Variants in MTSS1 observed in about 807,000 individuals in gnomAD.
The protein encoded by MTSS1 is MTSS I-BAR domain containing 1.
In MTSS1, 18 loss-of-function variants were observed where a neutral mutation model predicts 79.0. The observed-to-expected ratio is 0.23, with a 90% CI of 0.16 to 0.34. The LOEUF is 0.34. Among genes scored for constraint, MTSS1 ranks in the 10% least tolerant of loss-of-function variants. MTSS1 has a pLI of 1.00. For missense variants in MTSS1, 815 were observed against 986.2 expected (o/e 0.83, Z 2.33); for synonymous variants, 341 against 368.6 (o/e 0.93, Z 0.86).
chr8:124,724,625 A>C lies in MTSS1; in HGVS notation c.72+3259T>G, dbSNP rs553417689. 4.6e-5 allele frequency among the ~76,000 whole-genome samples: 7 copies of C among 152,342 alleles called. No individual in the cohort carries two copies. The East Asian group carries it at 1.3e-3, about 29-fold the overall frequency. ...CCCAAGTTAATTATTAAAAGAAGAAAGACATCCGCAGAGTGAGCTGTCCTC... is the reference window on the plus strand; with the variant it reads ...CCCAAGTTAATTATTAAAAGAAGAACGACATCCGCAGAGTGAGCTGTCCTC... On this transcript the variant is annotated intron_variant, in intron 1 of 13. Transcript: ENST00000518547.
At chr8:124,578,743 C>T (rs1213554354) in intron 6 of MTSS1, among the ~76,000 whole-genome samples, 1 of 152,014 alleles carries the variant, frequency 6.6e-6, no homozygotes, top group African/African-American at 2.4e-5. Context: ...TGCAGTGAGC[C>T]GAGATCGTGT....
intron 6 of MTSS1, among the ~76,000 whole-genome samples, chr8:124,578,853 C>T (rs1401702902): frequency 1.3e-5 from 2 of 152,040 alleles, no homozygotes; most frequent in African/African-American, 2.4e-5. Context: ...GCTGGGATTA[C>T]AGGCATGAGC....
chr8:124,686,667 T>A (rs1478713593), intron 3 of MTSS1, among the ~76,000 whole-genome samples: 1 of 152,126 alleles, frequency 6.6e-6, no homozygotes, highest in Non-Finnish European at 1.5e-5. Context: ...CATTTTTGGT[T>A]TTCACAACTG....
At chr8:124,626,176 G>A (rs548704169) in intron 3 of MTSS1, among the ~76,000 whole-genome samples, 2 of 152,332 alleles carry the variant, frequency 1.3e-5, no homozygotes, top group East Asian at 3.9e-4. Flanking sequence ...AAGGGCTATG[G>A]GACAGGAAGT....
chr8:124,646,370 G>A (rs1227040477), intron 3 of MTSS1, among the ~76,000 whole-genome samples: 2 of 152,066 alleles, frequency 1.3e-5, no homozygotes, highest in African/African-American at 4.8e-5. Context: ...TGACCATAGA[G>A]TCATTTATTT....
intron 3 of MTSS1, among the ~76,000 whole-genome samples, chr8:124,603,295 G>A (rs1834245904): frequency 6.6e-6 from 1 of 152,134 alleles, no homozygotes; most frequent in Admixed American, 6.5e-5. Flanking sequence ...CAAAGTGCTG[G>A]GATTACAGGT....
chr8:124,701,349 G>A (rs928015980), intron 2 of MTSS1, among the ~76,000 whole-genome samples: 1 of 152,174 alleles, frequency 6.6e-6, no homozygotes, highest in Admixed American at 6.6e-5. Context: ...AGTAGTTCCT[G>A]GGAAAATCTA....
At chr8:124,725,655 G>C (rs1318839460) in intron 1 of MTSS1, among the ~76,000 whole-genome samples, 4 of 152,168 alleles carry the variant, frequency 2.6e-5, no homozygotes, top group Admixed American at 6.5e-5. Context: ...AAAGTCAGTT[G>C]ATTTCAGATA....
chr8:124,662,187 T>A (rs539220956), intron 3 of MTSS1, among the ~76,000 whole-genome samples: 5 of 152,154 alleles, frequency 3.3e-5, no homozygotes, highest in African/African-American at 1.2e-4. Flanking sequence ...GAGGACAACG[T>A]CAACGCTATA....
At chr8:124,576,107 C>T (rs913027325) in intron 6 of MTSS1, among the ~76,000 whole-genome samples, 6 of 152,110 alleles carry the variant, frequency 3.9e-5, no homozygotes, top group South Asian at 2.1e-4. Context: ...CACACTGTCA[C>T]GGTGGAATTA....
intron 3 of MTSS1, among the ~76,000 whole-genome samples, chr8:124,674,034 C>A (rs536719347): frequency 3.9e-5 from 6 of 152,336 alleles, no homozygotes; most frequent in African/African-American, 1.4e-4. Context: ...AACCACATCT[C>A]ACCCGGTCAC....
intron 3 of MTSS1, among the ~76,000 whole-genome samples, chr8:124,690,933 G>T (rs1827836642): frequency 6.6e-6 from 1 of 152,054 alleles, no homozygotes; most frequent in Admixed American, 6.6e-5. Context: ...TGTATAGTAT[G>T]AGTTGTAAAA....
intron 1 of MTSS1, among the ~76,000 whole-genome samples, chr8:124,706,323 C>A (rs1264069215): frequency 6.6e-6 from 1 of 152,144 alleles, no homozygotes; most frequent in African/African-American, 2.4e-5. Flanking sequence ...TGGCTGGAGT[C>A]TTGTGAGTTT....
chr8:124,702,055 T>A (rs1427694694), intron 2 of MTSS1, among the ~76,000 whole-genome samples: 1 of 152,242 alleles, frequency 6.6e-6, no homozygotes, highest in Non-Finnish European at 1.5e-5. Flanking sequence ...AAGATTACTT[T>A]AAATTTTACT....
At chr8:124,566,905 A>G (rs1826613773) in intron 8 of MTSS1, among the ~76,000 whole-genome samples, 166 bp downstream of exon 8, 1 of 152,212 alleles carries the variant, frequency 6.6e-6, no homozygotes, top group Non-Finnish European at 1.5e-5. Context: ...GACACACAAT[A>G]GGTTCTATGT....
intron 1 of MTSS1, among the ~76,000 whole-genome samples, chr8:124,711,559 G>A (rs954790377): frequency 2.0e-5 from 3 of 152,102 alleles, no homozygotes; most frequent in Non-Finnish European, 4.4e-5. Flanking sequence ...AGGTTGGGTC[G>A]CGCTTTACAT....
intron 1 of MTSS1, among the ~76,000 whole-genome samples, chr8:124,706,821 A>T (rs1830444891): frequency 6.6e-6 from 1 of 152,230 alleles, no homozygotes; most frequent in South Asian, 2.1e-4. Context: ...ATCAAGACAT[A>T]GTGGGGACTC....
rs1296498962 is a variant in MTSS1 at position 124,652,134 on chromosome 8, C to T, written c.208+47392G>A. Among the ~76,000 whole-genome samples the T allele has an allele frequency of 6.6e-5, 10 of 152,162 alleles. No homozygotes were observed. The East Asian group carries it at 7.7e-4, about 12-fold the overall frequency. On this transcript the variant is annotated intron_variant, in intron 3 of 13. Transcript: ENST00000518547. ...AGCTGTTTAATAATTGGATGGGACT[C>T]GGTAAACATTTATTCCAACTTCTTA...
intron 3 of MTSS1, among the ~76,000 whole-genome samples, chr8:124,676,367 C>A (rs1032855733): frequency 6.6e-6 from 1 of 152,156 alleles, no homozygotes; most frequent in African/African-American, 2.4e-5. Flanking sequence ...TCTTCATCTC[C>A]AAATCTTTGC....
Sources: gnomAD v4.1 joint callset for allele counts (sites outside exome capture counted in the v4.1 genomes callset) on GRCh38, gnomAD v4.1.1 for gene constraint, MANE v1.5 for transcripts, NCBI Gene and HGNC (gene_info 2026-07-23, HGNC 2026-07-21) for gene names.